PARVA: variants seen among roughly 807,000 people sequenced by gnomAD.
The protein encoded by PARVA is parvin alpha.
A neutral mutation model predicts 52.6 loss-of-function variants in PARVA; 25 were observed. That is an observed-to-expected ratio of 0.48 (90% CI 0.35 to 0.66). The LOEUF is 0.66. Among genes scored for constraint, PARVA ranks in the 30% least tolerant of loss-of-function variants. PARVA has a pLI of 0.01. For missense variants in PARVA, 373 were observed against 450.9 expected (o/e 0.83, Z 1.56); for synonymous variants, 185 against 179.1 (o/e 1.03, Z -0.26).
intron 4 of PARVA, among the ~76,000 whole-genome samples, chr11:12,486,455 C>T (rs1161603993): frequency 2.0e-5 from 3 of 152,062 alleles, no homozygotes; most frequent in Admixed American, 1.3e-4. Context: ...ATCGCTTGAA[C>T]TCGGCAGGCG....
At chr11:12,449,230 T>G (rs1940590830) in intron 1 of PARVA, among the ~76,000 whole-genome samples, 1 of 152,118 alleles carries the variant, frequency 6.6e-6, no homozygotes, top group African/African-American at 2.4e-5. Flanking sequence ...CTCGGCTCAC[T>G]GCAACCTCTG....
At chr11:12,424,849 A>G (rs1230439460) in intron 1 of PARVA, among the ~76,000 whole-genome samples, 1 of 152,172 alleles carries the variant, frequency 6.6e-6, no homozygotes, top group East Asian at 1.9e-4. Flanking sequence ...TTTTTCTATC[A>G]AAGTTTTGAA....
At chr11:12,496,337 T>C in intron 4 of PARVA, 121 bp from the exon 5 acceptor site, 3 of 1,024,722 alleles carry the variant, frequency 2.9e-6, no homozygotes, top group Non-Finnish European at 4.2e-6. Context: ...CCAGTATCTA[T>C]TGTTGCAAGA....
intron 1 of PARVA, among the ~76,000 whole-genome samples, chr11:12,429,915 T>C (rs1157292583): frequency 2.0e-5 from 3 of 152,166 alleles, no homozygotes; most frequent in Admixed American, 1.3e-4. Flanking sequence ...GCACCTTCTT[T>C]GCTGATCGTA....
chr11:12,458,069 A>G (rs994260804), intron 1 of PARVA, among the ~76,000 whole-genome samples: 2 of 152,208 alleles, frequency 1.3e-5, no homozygotes, highest in South Asian at 4.1e-4. Context: ...ATCATTCTGT[A>G]AGACTGGGAG....
chr11:12,478,172 G>C, intron 4 of PARVA: 1 of 624,210 alleles, frequency 1.6e-6, no homozygotes, highest in Non-Finnish European at 3.0e-6. Flanking sequence ...AGGTGGGCCT[G>C]CTCCTTCTAG....
At chr11:12,490,521 A>AT (rs972727788) in intron 4 of PARVA, among the ~76,000 whole-genome samples, 56 of 133,940 alleles carry the variant, frequency 4.2e-4, no homozygotes, top group Admixed American at 2.4e-3. Context: ...TGTCTCAAAA[A>AT]AAAAAAAAGA....
chr11:12,460,538 C>G (rs960948628), intron 1 of PARVA, among the ~76,000 whole-genome samples: 2 of 152,134 alleles, frequency 1.3e-5, no homozygotes, highest in Admixed American at 1.3e-4. Context: ...AAACAGTGCT[C>G]TTCAGGGTAA....
intron 4 of PARVA, among the ~76,000 whole-genome samples, chr11:12,489,877 G>A (rs948619099): frequency 2.0e-5 from 3 of 152,130 alleles, no homozygotes; most frequent in African/African-American, 4.8e-5. Context: ...CAACTTATAA[G>A]TTCATACACA....
chr11:12,490,100 C>T (rs1357474035), intron 4 of PARVA, among the ~76,000 whole-genome samples: 1 of 151,936 alleles, frequency 6.6e-6, no homozygotes, highest in Non-Finnish European at 1.5e-5. Context: ...CCTGTAGTCC[C>T]AGCTACTCGG....
intron 1 of PARVA, among the ~76,000 whole-genome samples, chr11:12,447,760 A>C (rs1438995900): frequency 1.3e-5 from 2 of 152,204 alleles, no homozygotes; most frequent in Non-Finnish European, 1.5e-5. Context: ...AAAGGAAGAA[A>C]GAAAAAGATA....
chr11:12,483,423 GCT>G (rs1195752096), intron 4 of PARVA, among the ~76,000 whole-genome samples: 1 of 152,208 alleles, frequency 6.6e-6, no homozygotes, highest in Non-Finnish European at 1.5e-5. Context: ...CAGAACAGCA[GCT>G]CTGTTTCAAC....
intron 7 of PARVA, among the ~76,000 whole-genome samples, chr11:12,510,128 A>T (rs7107848): frequency 1.3e-5 from 2 of 152,000 alleles, no homozygotes; most frequent in African/African-American, 4.8e-5. Flanking sequence ...CTATCTATTG[A>T]TATTGATAGT....
chr11:12,393,043 T>TAAAAAAAAAAAAAAAAAAAAAAAAAAAA (rs1565325536), intron 1 of PARVA, among the ~76,000 whole-genome samples: 1 of 78,592 alleles, frequency 1.3e-5, no homozygotes, highest in Non-Finnish European at 2.6e-5. Context: ...CCCCAAATTG[T>TAAAAAAAAAAAAAAAAAAAAAAAAAAAA]GAAAAAAAAA....
At position 12,439,638 on chromosome 11, in the gene PARVA, G is replaced by T. The variant is rs187101358; in HGVS notation, c.137-34107G>T. Among the ~76,000 whole-genome samples, 375 of 152,190 alleles carry T rather than the reference G, an allele frequency of 2.5e-3. 2 individuals are homozygous for T. The highest frequency in any genetic ancestry group is 4.7e-3 in the Non-Finnish European group (318 of 68,006). On this transcript the variant is annotated intron_variant, in intron 1 of 12. Transcript: ENST00000334956. Reference sequence around the variant, plus strand: ...GACCAGCAATCCGTGTCACTACCTCGCAGTAAACTCCTTGATGGTTTTCCC... The same window carrying T: ...GACCAGCAATCCGTGTCACTACCTCTCAGTAAACTCCTTGATGGTTTTCCC...
intron 1 of PARVA, among the ~76,000 whole-genome samples, chr11:12,408,180 T>C (rs1317566116): frequency 1.3e-5 from 2 of 151,958 alleles, no homozygotes; most frequent in Non-Finnish European, 2.9e-5. Context: ...ATCCAGCCAC[T>C]GAGACCCCAT....
intron 12 of PARVA, 102 bp downstream of exon 12, chr11:12,518,619 C>T (rs931342501): frequency 4.7e-6 from 4 of 851,882 alleles, no homozygotes; most frequent in African/African-American, 1.7e-5. Flanking sequence ...CTGAAGCCTT[C>T]GTTGCTGGGG....
At chr11:12,481,478 C>A (rs930369623) in intron 4 of PARVA, among the ~76,000 whole-genome samples, 1 of 151,882 alleles carries the variant, frequency 6.6e-6, no homozygotes, top group Admixed American at 6.6e-5. Flanking sequence ...ATAAGATACT[C>A]CAAGACCATC....
intron 1 of PARVA, among the ~76,000 whole-genome samples, chr11:12,426,054 C>T (rs1265894903): frequency 7.3e-6 from 1 of 136,892 alleles, no homozygotes; most frequent in Non-Finnish European, 1.7e-5. Context: ...GAGACAGGGT[C>T]AAGCAAAGCA....
Sources: gnomAD v4.1 joint callset for allele counts (sites outside exome capture counted in the v4.1 genomes callset) on GRCh38, gnomAD v4.1.1 for gene constraint, MANE v1.5 for transcripts, NCBI Gene and HGNC (gene_info 2026-07-23, HGNC 2026-07-21) for gene names.